AUTS2: variants seen among roughly 807,000 people sequenced by gnomAD.
AUTS2 encodes autism susceptibility gene 2 protein.
A neutral mutation model predicts 112.4 loss-of-function variants in AUTS2; 17 were observed. That is an observed-to-expected ratio of 0.15 (90% confidence interval 0.10 to 0.23). The LOEUF (loss-of-function observed/expected upper bound fraction) is 0.23, where lower values mean the gene tolerates loss of function less well. AUTS2 is among the 10% of genes least tolerant of loss of function. AUTS2 has a pLI of 1.00. For missense variants in AUTS2, 1,510 were observed against 1,701.6 expected (o/e 0.89, Z 1.98); for synonymous variants, 751 against 702.7 (o/e 1.07, Z -1.09).
At chr7:70,474,044 G>T (rs1797491598) in intron 5 of AUTS2, among the ~76,000 whole-genome samples, 1 of 152,078 alleles carries the variant, frequency 6.6e-6, no homozygotes, top group Non-Finnish European at 1.5e-5. Flanking sequence ...ACTCACCCTG[G>T]CCTCAGCCAT....
intron 5 of AUTS2, among the ~76,000 whole-genome samples, chr7:70,653,241 C>CA (rs200401564): frequency 4.6e-5 from 7 of 151,208 alleles, no homozygotes; most frequent in South Asian, 2.1e-4. Context: ...GACCTTGTCT[C>CA]AAAAAAAAAT....
intron 4 of AUTS2, among the ~76,000 whole-genome samples, chr7:70,163,772 T>G (rs1382227975): frequency 6.6e-6 from 1 of 152,128 alleles, no homozygotes; most frequent in Non-Finnish European, 1.5e-5. Context: ...GGAAGAAAAC[T>G]GATTGTATTT....
At chr7:69,697,462 G>A (rs998555908) in intron 1 of AUTS2, among the ~76,000 whole-genome samples, 3 of 152,196 alleles carry the variant, frequency 2.0e-5, no homozygotes, top group East Asian at 1.9e-4. Flanking sequence ...CCCACCAATC[G>A]TGATTCAATA....
chr7:69,759,382 C>G (rs1445341984), intron 1 of AUTS2, among the ~76,000 whole-genome samples: 1 of 151,902 alleles, frequency 6.6e-6, no homozygotes, highest in Admixed American at 6.6e-5. Flanking sequence ...TATAAAATAC[C>G]TTTAATGATT....
intron 2 of AUTS2, among the ~76,000 whole-genome samples, chr7:70,090,672 T>A (rs892596875): frequency 4.0e-5 from 6 of 151,714 alleles, no homozygotes; most frequent in African/African-American, 1.5e-4. Context: ...AGGTTATCCT[T>A]TAAGATTTCT....
At chr7:70,228,242 C>T (rs902605154) in intron 4 of AUTS2, among the ~76,000 whole-genome samples, 3 of 151,754 alleles carry the variant, frequency 2.0e-5, no homozygotes, top group Non-Finnish European at 2.9e-5. Context: ...TATTAAACTA[C>T]ATTTAATTTG....
At position 70,763,345 on chromosome 7, in the gene AUTS2, A is replaced by C. The variant is rs773328881; in HGVS notation, c.1214+4A>C. 6.5e-7 allele frequency: 1 copy of C among 1,542,232 alleles called. No homozygotes were observed. The highest frequency in any genetic ancestry group is 8.8e-7 in the Non-Finnish European group (1 of 1,142,676). On this transcript the variant is annotated splice_donor_region_variant and intron_variant, in intron 7 of 18. Transcript: ENST00000342771. ...GCTTAAGCCTCAACAGTTTAAGGTG[A>C]GTGGCCTGCTCTTCTTTGGCCTGAC...
chr7:69,779,490 G>A (rs1430712559), intron 1 of AUTS2, among the ~76,000 whole-genome samples: 2 of 151,842 alleles, frequency 1.3e-5, no homozygotes, highest in South Asian at 2.1e-4. Flanking sequence ...GAAGCCAGGC[G>A]CAGTGGCTCA....
chr7:70,188,780 C>T (rs1809732719), intron 4 of AUTS2, among the ~76,000 whole-genome samples: 2 of 148,772 alleles, frequency 1.3e-5, no homozygotes, highest in Non-Finnish European at 3.0e-5. Flanking sequence ...TTCTTTCTTT[C>T]TTTCTTTTTT....
At chr7:69,647,539 A>G (rs774806801) in intron 1 of AUTS2, among the ~76,000 whole-genome samples, 11 of 152,054 alleles carry the variant, frequency 7.2e-5, no homozygotes, top group Non-Finnish European at 1.6e-4. Context: ...ATTTTTTTCT[A>G]GAGATGAGGT....
intron 4 of AUTS2, among the ~76,000 whole-genome samples, chr7:70,286,607 A>T (rs910062903): frequency 6.6e-6 from 1 of 152,228 alleles, no homozygotes; most frequent in African/African-American, 2.4e-5. Flanking sequence ...AACTTTAAGG[A>T]TCCTTTAAAA....
At chr7:70,698,896 G>A (rs113107511) in intron 6 of AUTS2, 193 of 294,668 alleles carry the variant, frequency 6.5e-4, no homozygotes, top group African/African-American at 4.0e-3. Flanking sequence ...CTGTACTCGA[G>A]AAGAATAGTT....
chr7:70,377,330 A>G (rs1439885117), intron 4 of AUTS2, among the ~76,000 whole-genome samples: 1 of 23,114 alleles, frequency 4.3e-5, no homozygotes, highest in Non-Finnish European at 8.5e-5. Flanking sequence ...ATATAAATAT[A>G]TATATATATA....
chr7:70,289,958 T>C (rs1213172100), intron 4 of AUTS2, among the ~76,000 whole-genome samples: 1 of 152,226 alleles, frequency 6.6e-6, no homozygotes, highest in Non-Finnish European at 1.5e-5. Context: ...TTATATGTGA[T>C]CCCACAGAAT....
chr7:69,612,606 C>T (rs968216247), intron 1 of AUTS2, among the ~76,000 whole-genome samples: 6 of 152,052 alleles, frequency 3.9e-5, no homozygotes, highest in East Asian at 1.9e-4. Flanking sequence ...ACCACAGGCG[C>T]GTCTCACCAC....
chr7:69,786,487 A>C (rs1584245420), intron 1 of AUTS2, among the ~76,000 whole-genome samples: 1 of 152,116 alleles, frequency 6.6e-6, no homozygotes, highest in African/African-American at 2.4e-5. Context: ...AAAGCTGGCC[A>C]CCCCAGCCAG....
intron 5 of AUTS2, among the ~76,000 whole-genome samples, chr7:70,640,432 A>AC (rs1165584767): frequency 2.0e-4 from 30 of 151,078 alleles, no homozygotes; most frequent in African/African-American, 7.3e-4. Context: ...AAAAAAAAAA[A>AC]AAAAAAAAAA....
At chr7:70,450,486 G>A (rs1267183451) in intron 5 of AUTS2, among the ~76,000 whole-genome samples, 1 of 152,252 alleles carries the variant, frequency 6.6e-6, no homozygotes, top group Non-Finnish European at 1.5e-5. Context: ...GAAAGGCTTA[G>A]CATGTGGAGA....
In AUTS2 at chr7:69,957,345, G is replaced by A. The variant is rs551835999; in HGVS notation, c.522+57847G>A. Among the ~76,000 whole-genome samples the A allele has an allele frequency of 2.0e-5, 3 of 152,034 alleles. No individual in the cohort carries two copies. In the East Asian group the frequency reaches 5.8e-4, roughly 29 times the overall value. On this transcript the variant is annotated intron_variant, in intron 2 of 18. Coordinates refer to ENST00000342771, the MANE Select transcript of AUTS2 (RefSeq NM_015570.4). ...ACTATATAGTCATATCTAGTAGGGA[G>A]TCAGACAAAAAATTGAAGCTATTTT...
Sources: gnomAD v4.1 joint callset for allele counts (sites outside exome capture counted in the v4.1 genomes callset) on GRCh38, gnomAD v4.1.1 for gene constraint, MANE v1.5 for transcripts, NCBI Gene and HGNC (gene_info 2026-07-23, HGNC 2026-07-21) for gene names.